Variants in FER1L6 observed in about 807,000 individuals in gnomAD.
FER1L6 encodes fer-1-like protein 6.
In FER1L6, 177 loss-of-function variants were observed where a neutral mutation model predicts 219.2. That is an observed-to-expected ratio of 0.81 (90% CI 0.71 to 0.91). The LOEUF (loss-of-function observed/expected upper bound fraction) is 0.91, where lower values mean the gene tolerates loss of function less well. FER1L6 is among the 40% of genes least tolerant of loss of function. The pLI, the probability that FER1L6 is intolerant of heterozygous loss-of-function variation, is 0.00. For missense variants in FER1L6, 2,153 were observed against 2,259.9 expected, an observed-to-expected ratio of 0.95 and a Z score of 0.96; for synonymous variants, 768 against 824.3, an observed-to-expected ratio of 0.93 and a Z score of 1.17.
intron 20 of FER1L6, chr8:124,040,607 A>G (rs2130731925): frequency 6.5e-6 from 1 of 154,130 alleles, no homozygotes; most frequent in African/African-American, 2.4e-5. Flanking sequence ...TTTCTAAAGA[A>G]AAGGAAATTA....
intron 22 of FER1L6, among the ~76,000 whole-genome samples, chr8:124,051,534 A>G (rs545019987): frequency 6.6e-6 from 1 of 152,338 alleles, no homozygotes; most frequent in East Asian, 1.9e-4. Context: ...CTGGCATGGA[A>G]TAAACACTCC....
chr8:123,879,088 C>T (rs1190072817), intron 1 of FER1L6, among the ~76,000 whole-genome samples: 3 of 152,248 alleles, frequency 2.0e-5, no homozygotes, highest in Non-Finnish European at 4.4e-5. Flanking sequence ...TCGTAAGATT[C>T]AATAGGCCAG....
intron 39 of FER1L6, 138 bp from the exon 40 acceptor site, chr8:124,118,706 C>T (rs1207608054): frequency 2.7e-5 from 20 of 739,034 alleles, no homozygotes; most frequent in Non-Finnish European, 3.9e-5. Flanking sequence ...AAAAAAGCAA[C>T]AACATTTATC....
chr8:123,905,727 A>G (rs1157148800), intron 1 of FER1L6, among the ~76,000 whole-genome samples: 2 of 152,300 alleles, frequency 1.3e-5, no homozygotes, highest in African/African-American at 4.8e-5. Context: ...AAAGATTATT[A>G]TGGTTCCTGG....
chr8:123,999,755 T>C (rs1233649146), intron 12 of FER1L6, among the ~76,000 whole-genome samples: 1 of 152,188 alleles, frequency 6.6e-6, no homozygotes, highest in Non-Finnish European at 1.5e-5. Context: ...GTGGTGCTAA[T>C]TCTGAGCTGG....
chr8:123,934,930 C>T (rs1389722167), intron 1 of FER1L6, among the ~76,000 whole-genome samples: 1 of 152,166 alleles, frequency 6.6e-6, no homozygotes, highest in Non-Finnish European at 1.5e-5. Flanking sequence ...CTTGCTTCCC[C>T]TTCTACCATG....
chr8:123,982,401 A>G (rs1816362951), intron 11 of FER1L6, among the ~76,000 whole-genome samples: 3 of 152,200 alleles, frequency 2.0e-5, no homozygotes, highest in African/African-American at 2.4e-5. Context: ...AAGCAAGGGA[A>G]GTTGGGAACT....
At chr8:124,021,425 T>C in intron 16 of FER1L6, 125 bp from the exon 17 acceptor site, 8 of 1,326,960 alleles carry the variant, frequency 6.0e-6, no homozygotes, top group Non-Finnish European at 8.4e-6. Flanking sequence ...TGGCAGACCC[T>C]GGAACAGTCC....
At chr8:123,951,735 T>A (rs1814777969) in intron 1 of FER1L6, among the ~76,000 whole-genome samples, 1 of 152,254 alleles carries the variant, frequency 6.6e-6, no homozygotes, top group Non-Finnish European at 1.5e-5. Flanking sequence ...AAGTTTGTAA[T>A]GATTTCACAT....
intron 1 of FER1L6, among the ~76,000 whole-genome samples, chr8:123,933,511 C>T (rs1169569069): frequency 1.3e-5 from 2 of 152,128 alleles, no homozygotes; most frequent in African/African-American, 4.8e-5. Flanking sequence ...AAGCAGCACC[C>T]AGCTCTTATG....
At chr8:124,086,640 G>GT (rs1357416499) in intron 33 of FER1L6, among the ~76,000 whole-genome samples, 2 of 152,044 alleles carry the variant, frequency 1.3e-5, no homozygotes, top group African/African-American at 4.8e-5. Context: ...CACACTTAGT[G>GT]TTATAACATT....
At chr8:123,865,329 T>C (rs1225476842) in intron 1 of FER1L6, among the ~76,000 whole-genome samples, 1 of 149,866 alleles carries the variant, frequency 6.7e-6, no homozygotes, top group African/African-American at 2.5e-5. Context: ...GAGGAGGCAG[T>C]CTGCCCGTTC....
At chr8:123,958,108 G>A (rs1815099513) in intron 2 of FER1L6, among the ~76,000 whole-genome samples, 1 of 152,130 alleles carries the variant, frequency 6.6e-6, no homozygotes, top group Non-Finnish European at 1.5e-5. Context: ...TAGTTATTGG[G>A]TACCTCCCAC....
chr8:124,060,950 T>C (rs780063399), intron 24 of FER1L6, among the ~76,000 whole-genome samples: 8 of 152,306 alleles, frequency 5.3e-5, no homozygotes, highest in Admixed American at 2.6e-4. Flanking sequence ...GTTCCCAAAG[T>C]GTGGTCCCCA....
chr8:124,000,612 A>G (rs764726914), intron 12 of FER1L6, among the ~76,000 whole-genome samples: 4 of 152,306 alleles, frequency 2.6e-5, no homozygotes, highest in Admixed American at 6.5e-5. Context: ...TGAATTCCTC[A>G]TAGAGTTGCA....
intron 32 of FER1L6, among the ~76,000 whole-genome samples, chr8:124,078,167 C>T (rs779521449): frequency 2.6e-5 from 4 of 151,990 alleles, no homozygotes; most frequent in Non-Finnish European, 4.4e-5. Context: ...GCTCAATATG[C>T]ATTTGTGGAA....
At chr8:123,977,706 C>A in intron 10 of FER1L6, 97 bp downstream of exon 10, 2 of 1,078,692 alleles carry the variant, frequency 1.9e-6, no homozygotes, top group South Asian at 1.6e-5. Context: ...AGTCCCCAGC[C>A]TTTCTGGCAC....
intron 1 of FER1L6, among the ~76,000 whole-genome samples, chr8:123,955,717 A>C (rs568468171): frequency 6.6e-6 from 1 of 152,224 alleles, no homozygotes; most frequent in African/African-American, 2.4e-5. Flanking sequence ...TAGAAATTTC[A>C]GCTAGTGTTG....
At chr8:123,926,972 TG>T (rs1277733939) in intron 1 of FER1L6, among the ~76,000 whole-genome samples, 3 of 152,194 alleles carry the variant, frequency 2.0e-5, no homozygotes, top group Non-Finnish European at 2.9e-5. Context: ...GAGGTGGGCT[TG>T]TAATACATAT....
Sources: gnomAD v4.1 joint callset for allele counts (sites outside exome capture counted in the v4.1 genomes callset) on GRCh38, gnomAD v4.1.1 for gene constraint, MANE v1.5 for transcripts, NCBI Gene and HGNC (gene_info 2026-07-23, HGNC 2026-07-21) for gene names.